The following MACF1 variants were observed in gnomAD, a reference collection of about 807,000 sequenced individuals.
MACF1 encodes microtubule-actin cross-linking factor 1.
A neutral mutation model predicts 854.8 loss-of-function variants in MACF1; 193 were observed. The ratio of observed to expected loss-of-function variants is 0.23; its 90% CI spans 0.20 to 0.25. The LOEUF (loss-of-function observed/expected upper bound fraction) is 0.25, where lower values mean the gene tolerates loss of function less well. Among genes scored for constraint, MACF1 ranks in the 10% least tolerant of loss-of-function variants. The pLI is 1.00. For synonymous variants in MACF1, 3,185 were observed against 3,226.7 expected (o/e 0.99, Z 0.44); for missense variants, 7,722 against 8,929.1 (o/e 0.86, Z 5.45).
chr1:39,388,121 T>C lies in MACF1; in HGVS notation c.15279T>C (p.Ala5093=), dbSNP rs1641870608. ...ATGCTTCTCAACTTCTCCACCAAGC[T>C]GAGGTCGCCCAGCAAGAGTTCCTCG... ...GSDASQLLHQ[A]EVAQQEFLEV... is the part of the protein sequence containing the mutation. The change falls in exon 58 of 101, where the codon GCT becomes GCC. Residue 5093 remains alanine, a synonymous_variant. Coordinates refer to ENST00000564288, the MANE Select transcript of MACF1 (RefSeq NM_001394062.1). The C allele has an allele frequency of 6.2e-7, 1 of 1,614,092 alleles. No homozygotes were observed.
chr1:39,119,418 T>TTTG (rs149476759), intron 2 of MACF1, among the ~76,000 whole-genome samples: 10 of 151,464 alleles, frequency 6.6e-5, no homozygotes, highest in South Asian at 6.2e-4. Flanking sequence ...CATTTCTTAG[T>TTTG]TTGTTGTTGT....
At chr1:39,238,242 T>A (rs77743442) in intron 2 of MACF1, among the ~76,000 whole-genome samples, 2 of 152,294 alleles carry the variant, frequency 1.3e-5, no homozygotes, top group Admixed American at 6.5e-5. Flanking sequence ...GTAGCAGACT[T>A]CTCATCTGGG....
In MACF1 at chr1:39,479,876, G is replaced by A. The variant is rs763118088; in HGVS notation, c.22037G>A (p.Arg7346His). ...GCATCCCAGGGAATGACCCCCTTCC[G>A]CTCACGGGGTCGAAGGTCCAAACCA... ...EGASQGMTPF[R>H]SRGRRSKPSS... is the part of the protein sequence containing the mutation. The change falls in exon 98 of 101, where the codon CGC (arginine) becomes CAC (histidine). Residue 7346 changes from arginine (R) to histidine (H), a missense_variant. Arg to His is a conservative substitution (Grantham distance 29). This residue lies in a region of MACF1 where 153 missense variants were observed against 342.5 expected (regional missense o/e 0.45). Coordinates refer to ENST00000564288, the MANE Select transcript of MACF1 (RefSeq NM_001394062.1). The A allele has an allele frequency of 1.7e-5, 27 of 1,614,044 alleles. No homozygotes were observed. The highest frequency in any genetic ancestry group is 4.5e-5 in the East Asian group (2 of 44,894).
chr1:39,304,116 C>T (rs553093204), intron 23 of MACF1, among the ~76,000 whole-genome samples: 11 of 149,690 alleles, frequency 7.3e-5, no homozygotes, highest in African/African-American at 2.2e-4. Context: ...GTGTGCTGCA[C>T]CCATTAACTC....
In MACF1 at chr1:39,300,291, C is replaced by T; in HGVS notation, c.2563C>T (p.Pro855Ser). Residue 855 changes from proline to serine, a missense_variant, in exon 22 of 101, where the codon CCA becomes TCA. Physicochemically the swap from Pro to Ser is moderately conservative, Grantham distance 74. Transcript: ENST00000564288. ...GRSKTIVQLK[P>S]RSPDHVLKNT... ...ATCAAAAACCATCGTTCAGCTAAAA[C>T]CACGCAGTCCAGACCATGTGTTAAA... 6.2e-7 allele frequency: 1 copy of T among 1,614,016 alleles called. No homozygotes were observed. The highest frequency in any genetic ancestry group is 8.5e-7 in the Non-Finnish European group (1 of 1,180,008).
In MACF1 at chr1:39,361,416, G is replaced by T; in HGVS notation, c.12510G>T (p.Met4170Ile). Residue 4170 changes from methionine to isoleucine, a missense_variant, in exon 49 of 101, where the codon ATG (methionine) becomes ATT (isoleucine). Around this residue, in one of 15 missense-constraint regions of MACF1, gnomAD observed 2,807 missense variants for 3,235.8 expected, o/e 0.87. Coordinates refer to ENST00000564288, the MANE Select transcript of MACF1 (RefSeq NM_001394062.1). Reference protein sequence around the residue: ...QKSSLEATREMVTRFMETADS... With the variant: ...QKSSLEATREIVTRFMETADS... ...GCAGCTTGGAGGCCACCCGTGAGAT[G>T]GTGACCCGATTCATGGAGACAGCAG... The T allele has an allele frequency of 1.2e-6, 2 of 1,614,122 alleles. No individual in the cohort carries two copies. Among genetic ancestry groups the T allele is most frequent in the Non-Finnish European group, 1.7e-6 (2 of 1,180,038 alleles).
At chr1:39,262,181 C>T (rs1164370768) in intron 6 of MACF1, among the ~76,000 whole-genome samples, 1 of 151,950 alleles carries the variant, frequency 6.6e-6, no homozygotes, top group African/African-American at 2.4e-5. Context: ...GTGGGCAGAT[C>T]ACTTGAGGTC....
chr1:39,150,172 C>T (rs1444917391), intron 2 of MACF1, among the ~76,000 whole-genome samples: 2 of 152,130 alleles, frequency 1.3e-5, no homozygotes, highest in Admixed American at 6.5e-5. Context: ...CGCATGTCAC[C>T]ATGGCTGGCT....
chr1:39,350,729 A>G, intron 42 of MACF1, 56 bp from the exon 43 acceptor site: 5 of 1,238,380 alleles, frequency 4.0e-6, no homozygotes, highest in Non-Finnish European at 4.7e-6. Flanking sequence ...ATACCATTAG[A>G]GGACTTAGAA....
rs898260848 is a variant in MACF1 at position 39,458,906 on chromosome 1, G to A, written c.21197-180G>A. The A allele has an allele frequency of 1.0e-5, 6 of 600,414 alleles. No individual in the cohort carries two copies. In the South Asian group the frequency reaches 1.3e-4, roughly 13 times the overall value. The allele number at this position is 600,414 out of a possible 1,614,324, so 37.2% of individuals were successfully genotyped here. ...TGTAGGCAGCAGGTAAGTATGTGCT[G>A]GGAGGATCAGTACTTTTGGAATTAG... On this transcript the variant is annotated intron_variant, in intron 90 of 100. Coordinates refer to ENST00000564288, the MANE Select transcript of MACF1 (RefSeq NM_001394062.1).
chr1:39,372,966 A>T (rs1192949924), intron 52 of MACF1: 4 of 230,400 alleles, frequency 1.7e-5, no homozygotes, highest in South Asian at 5.4e-5. Context: ...AAGTCAGAAG[A>T]TCAAAACCAG....
At chr1:39,113,951 G>A (rs538045008) in intron 2 of MACF1, among the ~76,000 whole-genome samples, 46 of 151,920 alleles carry the variant, frequency 3.0e-4, no homozygotes, top group Non-Finnish European at 5.6e-4. Flanking sequence ...CAAGAGAATC[G>A]CTTGAACCCA....
At chr1:39,425,019 A>G (rs1422390058) in intron 61 of MACF1, among the ~76,000 whole-genome samples, 3 of 152,218 alleles carry the variant, frequency 2.0e-5, no homozygotes, top group Non-Finnish European at 2.9e-5. Flanking sequence ...TGGAAGAAAC[A>G]AAATGGAAAG....
intron 88 of MACF1, among the ~76,000 whole-genome samples, chr1:39,454,380 G>A (rs1361746521): frequency 6.6e-6 from 1 of 152,276 alleles, no homozygotes; most frequent in East Asian, 1.9e-4. Context: ...GTCCCCCATG[G>A]ATACCAAGGA....
chr1:39,311,827 A>C (rs2148437430), intron 26 of MACF1, among the ~76,000 whole-genome samples: 1 of 152,272 alleles, frequency 6.6e-6, no homozygotes, highest in Middle Eastern at 3.4e-3. Flanking sequence ...GGTATGAGAG[A>C]GCTCTATGAA....
At chr1:39,270,456 T>C (rs1028780604) in intron 6 of MACF1, among the ~76,000 whole-genome samples, 1 of 152,148 alleles carries the variant, frequency 6.6e-6, no homozygotes, top group Non-Finnish European at 1.5e-5. Flanking sequence ...GAGGCATGGA[T>C]GGTGCTGCTG....
chr1:39,444,856 GTTTGAGTAA>G, intron 80 of MACF1, 21 bp downstream of exon 80: 1 of 1,555,102 alleles, frequency 6.4e-7, no homozygotes, highest in South Asian at 1.2e-5. Context: ...TGATCCCCAT[GTTTGAGTAA>G]TTTGCTGAGT....
In MACF1 at chr1:39,358,732, A is replaced by T. The variant is rs138839092; in HGVS notation, c.11979A>T (p.Leu3993Phe). 8.1e-6 allele frequency: 13 copies of T among 1,614,124 alleles called. No individual in the cohort carries two copies. Among genetic ancestry groups the T allele is most frequent in the Middle Eastern group, 1.7e-4 (1 of 6,060 alleles). The change falls in exon 46 of 101, where the codon TTA becomes TTT. Residue 3993 changes from leucine to phenylalanine, a missense_variant. Transcript: ENST00000564288. ...TRLGSHLNML[L>F]GQYHQFQNSA... is the part of the protein sequence containing the mutation. The stretch of plus-strand genomic sequence containing the variant: ...TAGGATCTCACCTGAATATGCTGTT[A>T]GGCCAGTATCATCAATTCCAAAACA...
chr1:39,091,998 C>T (rs1161245361), intron 2 of MACF1, among the ~76,000 whole-genome samples: 9 of 152,182 alleles, frequency 5.9e-5, no homozygotes, highest in East Asian at 1.9e-4. Flanking sequence ...CGTTAGAATG[C>T]AGCATGAACT....
Sources: allele counts gnomAD v4.1 joint callset (sites outside exome capture counted in the v4.1 genomes callset), GRCh38; gene constraint gnomAD v4.1.1; regional missense constraint gnomAD v4.1.1; transcripts MANE v1.5; gene names NCBI Gene and HGNC (gene_info 2026-07-23, HGNC 2026-07-21).